PPFIA3: variants seen among roughly 807,000 people sequenced by gnomAD.
PPFIA3 encodes PPFI scaffold protein A3.
A neutral mutation model predicts 145.8 loss-of-function variants in PPFIA3; 26 were observed. That is an observed-to-expected ratio of 0.18 (90% CI 0.13 to 0.25). The LOEUF is 0.25. Ranked by LOEUF, PPFIA3 falls within the 10% of genes least tolerant of loss-of-function variation. The pLI, the probability that PPFIA3 is intolerant of heterozygous loss-of-function variation, is 1.00. For missense variants in PPFIA3, 1,008 were observed against 1,587.8 expected (o/e 0.63, Z 6.21); for synonymous variants, 645 against 661.4 (o/e 0.98, Z 0.38).
chr19:49,128,154 T>C lies in PPFIA3; in HGVS notation c.240+41T>C. On this transcript the variant is annotated intron_variant, in intron 2 of 29. Coordinates refer to ENST00000334186, the MANE Select transcript of PPFIA3 (RefSeq NM_003660.4). This position sits in a 1 kb window ranked among gnomAD's most constrained non-coding sequence, Gnocchi z 4.1. ...GGGCGGGGCATGAGGGGGCGGGGCC[T>C]CGGGGGGAAGAAGGCGGTCCGGAAG... 9 of 1,446,294 alleles carry C rather than the reference T, an allele frequency of 6.2e-6. No individual in the cohort carries two copies. Among genetic ancestry groups the C allele is most frequent in the Non-Finnish European group, 8.2e-6 (9 of 1,091,936 alleles). The allele number at this position is 1,446,294 out of a possible 1,614,324, so 89.6% of individuals were successfully genotyped here.
At position 49,133,290 on chromosome 19, in the gene PPFIA3, G is replaced by T; in HGVS notation, c.1080G>T (p.Lys360Asn). The T allele has an allele frequency of 6.2e-7, 1 of 1,610,714 alleles. No homozygotes were observed. Among genetic ancestry groups the T allele is most frequent in the South Asian group, 1.1e-5 (1 of 90,964 alleles). The change falls in exon 9 of 30, where the codon AAG (lysine) becomes AAT (asparagine). Residue 360 changes from lysine (K) to asparagine (N), a missense_variant. Physicochemically the swap from Lys to Asn is moderately conservative, Grantham distance 94. Coordinates refer to ENST00000334186, the MANE Select transcript of PPFIA3 (RefSeq NM_003660.4). The surrounding 1 kb of genome is among the most constrained non-coding windows in gnomAD (Gnocchi z 7.2). ...LAEWLDDAKQ[K>N]LQQTLQKAET... Reference sequence around the variant, plus strand: ...AGTGGTTGGACGACGCCAAGCAGAAGCTGCAGCAGACGCTGCAGAAAGCGG... The same window carrying T: ...AGTGGTTGGACGACGCCAAGCAGAATCTGCAGCAGACGCTGCAGAAAGCGG...
chr19:49,133,448 G>T lies in PPFIA3; in HGVS notation c.1161+77G>T. On this transcript the variant is annotated intron_variant, in intron 9 of 29. Transcript: ENST00000334186. The surrounding 1 kb of genome is among the most constrained non-coding windows in gnomAD (Gnocchi z 7.2). ...GAGGAGGCGGGGCCGTGAATCTGGA[G>T]GGGTAGGAGCGAGGTCAGAACCCCG... The T allele has an allele frequency of 6.8e-7, 1 of 1,462,978 alleles. No homozygotes were observed. Among genetic ancestry groups the T allele is most frequent in the Admixed American group, 2.5e-5 (1 of 39,462 alleles). The allele number at this position is 1,462,978 out of a possible 1,614,324, so 90.6% of individuals were successfully genotyped here.
chr19:49,129,158 T>C, intron 4 of PPFIA3, 146 bp downstream of exon 4: 10 of 1,046,146 alleles, frequency 9.6e-6, no homozygotes, highest in East Asian at 2.6e-5. Flanking sequence ...ACAGGATACA[T>C]AGACTGGGAC....
chr19:49,129,520 C>A (rs1664225636), intron 5 of PPFIA3, 66 bp downstream of exon 5: 1 of 1,507,126 alleles, frequency 6.6e-7, no homozygotes, highest in Non-Finnish European at 9.0e-7. Flanking sequence ...GCCCACGGGG[C>A]GGAGCCGGTT....
At position 49,135,043 on chromosome 19, in the gene PPFIA3, G is replaced by T. The variant is rs539191551; in HGVS notation, c.1520+128G>T. ...ACCCCTCTGTTTTTGTTTTTTGTTT[G>T]TTTGTTTGTTTGTTTTGAGACAGAG... On this transcript the variant is annotated intron_variant, in intron 13 of 29. Transcript: ENST00000334186. 976 of 729,218 alleles carry T rather than the reference G, an allele frequency of 1.3e-3. 1 individual carries two copies. The highest frequency in any genetic ancestry group is 1.9e-3 in the Non-Finnish European group (875 of 469,610). The allele number at this position is 729,218 out of a possible 1,614,324, so 45.2% of individuals were successfully genotyped here.
chr19:49,128,836 G>A lies in PPFIA3; in HGVS notation c.343-12G>A. On this transcript the variant is annotated splice_polypyrimidine_tract_variant and intron_variant, in intron 3 of 29. Transcript: ENST00000334186. This position sits in a 1 kb window ranked among gnomAD's most constrained non-coding sequence, Gnocchi z 4.1. ...TGCCTCTTTTCCTTGACCCCATGCCGTGTGCTTGCAGCTGCTCCTGGAACA... is the reference window on the plus strand; with the variant it reads ...TGCCTCTTTTCCTTGACCCCATGCCATGTGCTTGCAGCTGCTCCTGGAACA... 6.3e-7 allele frequency: 1 copy of A among 1,583,570 alleles called. No individual in the cohort carries two copies. The highest frequency in any genetic ancestry group is 8.6e-7 in the Non-Finnish European group (1 of 1,164,314).
In PPFIA3 at chr19:49,133,746, C is replaced by T. The variant is rs574578918; in HGVS notation, c.1162-50C>T. ...CCTTGGAGGAGGTGGGGCTGGGAGCCTGACTGATCCTGGAAGGGTAAGTCA... is the reference window on the plus strand; with the variant it reads ...CCTTGGAGGAGGTGGGGCTGGGAGCTTGACTGATCCTGGAAGGGTAAGTCA... On this transcript the variant is annotated intron_variant, in intron 9 of 29. Transcript: ENST00000334186. This position sits in a 1 kb window ranked among gnomAD's most constrained non-coding sequence, Gnocchi z 7.2. The T allele has an allele frequency of 6.3e-7, 1 of 1,578,620 alleles. No individual in the cohort carries two copies. Among genetic ancestry groups the T allele is most frequent in the Admixed American group, 1.7e-5 (1 of 58,098 alleles).
At chr19:49,121,233 C>A (rs141560889) in intron 1 of PPFIA3, among the ~76,000 whole-genome samples, 1 of 152,364 alleles carries the variant, frequency 6.6e-6, no homozygotes, top group South Asian at 2.1e-4. Context: ...CACATCACCT[C>A]CTCCAGATGT....
intron 1 of PPFIA3, among the ~76,000 whole-genome samples, chr19:49,123,887 G>C (rs959627826): frequency 6.6e-6 from 1 of 152,132 alleles, no homozygotes; most frequent in Non-Finnish European, 1.5e-5. Context: ...GGTGGATCGT[G>C]GGTTTTCTCC....
In PPFIA3 at chr19:49,148,997, G is replaced by C; in HGVS notation, c.3114G>C (p.Val1038=). ...REESQTQIRD[V]MVWSNERVMG... ...GAGGGTCCCTTCCGTCCCCAGACGT[G>C]ATGGTGTGGTCCAATGAGCGGGTCA... Residue 1038 remains valine, a synonymous_variant, in exon 26 of 30, where the codon GTG becomes GTC. Coordinates refer to ENST00000334186, the MANE Select transcript of PPFIA3 (RefSeq NM_003660.4). The C allele has an allele frequency of 1.2e-6, 2 of 1,613,714 alleles. No homozygotes were observed. Among genetic ancestry groups the C allele is most frequent in the South Asian group, 1.1e-5 (1 of 91,044 alleles).
At position 49,134,636 on chromosome 19, in the gene PPFIA3, C is replaced by T. The variant is rs1263814945; in HGVS notation, c.1378-3C>T. On this transcript the variant is annotated splice_polypyrimidine_tract_variant and splice_region_variant and intron_variant, in intron 11 of 29. Coordinates refer to ENST00000334186, the MANE Select transcript of PPFIA3 (RefSeq NM_003660.4). ...CTCCCTCACTTCACCTCTGTCTCCA[C>T]AGAACTCCCTGAGCGAGGAGATAGC... 3.1e-6 allele frequency: 5 copies of T among 1,613,498 alleles called. No homozygotes were observed. Among genetic ancestry groups the T allele is most frequent in the African/African-American group, 2.7e-5 (2 of 74,936 alleles).
chr19:49,143,446 C>T (rs946580622), intron 21 of PPFIA3, among the ~76,000 whole-genome samples: 2 of 152,114 alleles, frequency 1.3e-5, no homozygotes, highest in Non-Finnish European at 2.9e-5. Context: ...TATCTCCGCT[C>T]ACTGCAACCC....
chr19:49,148,920 G>A lies in PPFIA3; in HGVS notation c.3110-73G>A, dbSNP rs1010387166. 1.2e-5 allele frequency: 19 copies of A among 1,588,538 alleles called. No homozygotes were observed. In the Admixed American group the frequency reaches 2.7e-4, roughly 23 times the overall value. On this transcript the variant is annotated intron_variant, in intron 25 of 29. Transcript: ENST00000334186. ...GCGTGGCCCGAAGAGACCAAATGGAGGTGGAGGTATGGGCTAAACTGAACT... is the reference window on the plus strand; with the variant it reads ...GCGTGGCCCGAAGAGACCAAATGGAAGTGGAGGTATGGGCTAAACTGAACT...
At chr19:49,135,223 G>C (rs1476915094) in intron 13 of PPFIA3, among the ~76,000 whole-genome samples, 1 of 151,850 alleles carries the variant, frequency 6.6e-6, no homozygotes, top group African/African-American at 2.4e-5. Flanking sequence ...TGTAGTTTTA[G>C]TAGACACGGG....
In PPFIA3 at chr19:49,130,505, A is replaced by C. The variant is rs1402981461; in HGVS notation, c.785A>C (p.Gln262Pro). The change falls in exon 7 of 30, where the codon CAG (glutamine) becomes CCG (proline). Residue 262 changes from glutamine to proline, a missense_variant. Coordinates refer to ENST00000334186, the MANE Select transcript of PPFIA3 (RefSeq NM_003660.4). This position sits in a 1 kb window ranked among gnomAD's most constrained non-coding sequence, Gnocchi z 4.5. ...GAGCGCCTGGCGGTGCTGTGCCGTC[A>C]GATGAGCCAGCTGGAGGAGGAGTTG... ...LRERLAVLCR[Q>P]MSQLEEELGT... is the part of the protein sequence containing the mutation. 3.1e-6 allele frequency: 5 copies of C among 1,596,310 alleles called. No homozygotes were observed. The highest frequency in any genetic ancestry group is 3.4e-6 in the Non-Finnish European group (4 of 1,172,360).
At chr19:49,131,139 C>T (rs1055306419) in intron 7 of PPFIA3, among the ~76,000 whole-genome samples, 13 of 139,184 alleles carry the variant, frequency 9.3e-5, no homozygotes, top group African/African-American at 3.5e-4. Flanking sequence ...GTTGGGATTA[C>T]AGTAGTGAGC....
chr19:49,131,212 A>C (rs1600331351), intron 7 of PPFIA3, among the ~76,000 whole-genome samples: 1 of 119,462 alleles, frequency 8.4e-6, no homozygotes, highest in Non-Finnish European at 1.6e-5. Flanking sequence ...TGTGTCGCCC[A>C]GGCTGGAGTG....
intron 13 of PPFIA3, 27 bp downstream of exon 13, chr19:49,134,942 C>G: frequency 6.6e-7 from 1 of 1,522,132 alleles, no homozygotes; most frequent in Non-Finnish European, 8.8e-7. Flanking sequence ...TGCCCTGCCC[C>G]CACCATGGAG....
At chr19:49,139,208 C>G (rs969374321) in intron 16 of PPFIA3, among the ~76,000 whole-genome samples, 1 of 151,900 alleles carries the variant, frequency 6.6e-6, no homozygotes, top group Non-Finnish European at 1.5e-5. Flanking sequence ...GCCTGTAGTC[C>G]CAGCTTCTTG....
Sources: gnomAD v4.1 joint callset for allele counts (sites outside exome capture counted in the v4.1 genomes callset) on GRCh38, gnomAD v4.1.1 for gene constraint, Gnocchi (gnomAD v3.1) non-coding constraint, MANE v1.5 for transcripts, NCBI Gene and HGNC (gene_info 2026-07-23, HGNC 2026-07-21) for gene names.